Variants in CKAP5 observed in about 807,000 individuals in gnomAD.
CKAP5 encodes the protein cytoskeleton associated protein 5, also known as cytoskeleton-associated protein 5.
In CKAP5, 27 loss-of-function variants were observed where a neutral mutation model predicts 232.8. That is an observed-to-expected ratio of 0.12 (90% confidence interval 0.09 to 0.16). The LOEUF is 0.16. Among genes scored for constraint, CKAP5 ranks in the 10% least tolerant of loss-of-function variants. The pLI is 1.00. For missense variants in CKAP5, 1,838 were observed against 2,424.7 expected (o/e 0.76, Z 5.08); for synonymous variants, 785 against 841.1 (o/e 0.93, Z 1.16).
chr11:46,825,236 AT>A (rs1400718827), intron 1 of CKAP5, among the ~76,000 whole-genome samples: 2 of 152,208 alleles, frequency 1.3e-5, no homozygotes, highest in African/African-American at 4.8e-5. Context: ...TAAATAACAA[AT>A]TTCCTATTAA....
Position 46,778,190 on chromosome 11 carries a change from A to G in CKAP5, c.2697T>C (p.Gly899=). 1 of 1,614,058 alleles carries G rather than the reference A, an allele frequency of 6.2e-7. No homozygotes were observed. Among genetic ancestry groups the G allele is most frequent in the East Asian group, 2.2e-5 (1 of 44,874 alleles). ...GACCCTTCAAGGCAGTTGGAAGTTC[A>G]CCTATATTCGGTTGGATAAATTTTG... ...NDAKFIQPNI[G]ELPTALKGRL... The change falls in exon 22 of 44, where the codon GGT becomes GGC. Residue 899 remains glycine, a synonymous_variant. Transcript: ENST00000529230.
intron 4 of CKAP5, 58 bp downstream of exon 4, chr11:46,816,140 G>T: frequency 7.1e-7 from 1 of 1,401,172 alleles, no homozygotes; most frequent in Non-Finnish European, 1.0e-6. Context: ...ACTGGTCCCT[G>T]GTGCCAAAAA....
intron 40 of CKAP5, 63 bp downstream of exon 40, chr11:46,751,055 C>G (rs931373074): frequency 6.3e-7 from 1 of 1,598,894 alleles, no homozygotes. Context: ...TGACCTACAC[C>G]TTAGATAAGA....
At chr11:46,775,053 C>A (rs1326112232) in intron 24 of CKAP5, among the ~76,000 whole-genome samples, 1 of 152,092 alleles carries the variant, frequency 6.6e-6, no homozygotes, top group Admixed American at 6.6e-5. Flanking sequence ...AACAGGCAAC[C>A]TACAGAATGG....
intron 24 of CKAP5, among the ~76,000 whole-genome samples, chr11:46,772,033 C>CTT (rs57706275): frequency 7.0e-6 from 1 of 142,096 alleles, no homozygotes; most frequent in Non-Finnish European, 1.5e-5. Flanking sequence ...CACTGAGCAT[C>CTT]TTTTTTTTTT....
chr11:46,744,417 G>C lies in CKAP5; in HGVS notation c.5856+9C>G, dbSNP rs1484533271. On this transcript the variant is annotated intron_variant, in intron 43 of 43. Coordinates refer to ENST00000529230, the MANE Select transcript of CKAP5 (RefSeq NM_001008938.4). ...CTCCCTGAACTGCACAGAAGAAAAG[G>C]AGCAGTACCTTTGTGTTGTCCAGAC... 2 of 1,613,980 alleles carry C rather than the reference G, an allele frequency of 1.2e-6. No homozygotes were observed. The highest frequency in any genetic ancestry group is 1.3e-5 in the African/African-American group (1 of 74,894).
At chr11:46,807,626 A>G (rs1939186854) in intron 8 of CKAP5, among the ~76,000 whole-genome samples, 1 of 152,230 alleles carries the variant, frequency 6.6e-6, no homozygotes, top group Non-Finnish European at 1.5e-5. Flanking sequence ...AACTGACCTC[A>G]TATTCGTATA....
At position 46,836,615 on chromosome 11, in the gene CKAP5, A is replaced by C. The variant is rs185861748; in HGVS notation, c.-38+9605T>G. Among the ~76,000 whole-genome samples, 422 of 152,324 alleles carry C rather than the reference A, an allele frequency of 2.8e-3. 2 individuals carry two copies. The highest frequency in any genetic ancestry group is 9.6e-3 in the African/African-American group (400 of 41,574). On this transcript the variant is annotated intron_variant, in intron 1 of 43. Transcript: ENST00000529230. ...CCAGAAGGGCTAAAATCCAAAAACC[A>C]GATAGAACTAAGTGCTGTTAAGAAC...
At chr11:46,767,318 C>G (rs1052157194) in intron 27 of CKAP5, among the ~76,000 whole-genome samples, 11 of 152,184 alleles carry the variant, frequency 7.2e-5, no homozygotes, top group Non-Finnish European at 1.5e-5. Flanking sequence ...CTGTGCCCGG[C>G]CCTTTCTTCT....
chr11:46,833,970 A>G (rs192181541), intron 1 of CKAP5, among the ~76,000 whole-genome samples: 1 of 151,044 alleles, frequency 6.6e-6, no homozygotes, highest in Non-Finnish European at 1.5e-5. Context: ...CCTGGGTTCA[A>G]GTGATTTTCC....
chr11:46,754,903 A>T lies in CKAP5; in HGVS notation c.4854T>A (p.Ile1618=). The T allele has an allele frequency of 6.2e-7, 1 of 1,611,512 alleles. No individual in the cohort carries two copies. The highest frequency in any genetic ancestry group is 2.2e-5 in the East Asian group (1 of 44,818). ...DEIIKLYSCI[I]GNMISLFQIE... ...GTGCCCTTACCGAAATCATGTTGCC[A>T]ATGATACAGCTATACAACTTGATGA... The change falls in exon 36 of 44, where the codon ATT becomes ATA. Residue 1618 remains isoleucine (I), a synonymous_variant. Transcript: ENST00000529230.
intron 26 of CKAP5, among the ~76,000 whole-genome samples, chr11:46,768,437 A>G (rs1318605743): frequency 6.6e-6 from 1 of 151,804 alleles, no homozygotes; most frequent in African/African-American, 2.4e-5. Context: ...TTGTCCTCTC[A>G]AAGTGGTGGA....
rs753944221 is a variant in CKAP5 at position 46,751,369 on chromosome 11, A to G, written c.5299T>C (p.Leu1767=). The G allele has an allele frequency of 2.2e-5, 36 of 1,613,800 alleles. No individual in the cohort carries two copies. Among genetic ancestry groups the G allele is most frequent in the Admixed American group, 2.2e-4 (13 of 59,952 alleles). The change falls in exon 39 of 44, where the codon TTA becomes CTA. Residue 1767 remains leucine, a synonymous_variant. Transcript: ENST00000529230. ...ACCTTGGGCCCTTTTAATTTGCATA[A>G]GGTGTGTAGCAGGGTCTTTAGGGTC... The part of the protein sequence containing the change: ...IRTLKTLLHT[L]CKLKGPKILD...
At chr11:46,804,041 G>C (rs80256240) in intron 8 of CKAP5, among the ~76,000 whole-genome samples, 3,006 of 152,194 alleles carry the variant, frequency 0.02, 102 homozygotes, top group African/African-American at 0.069. Context: ...TGGCTCAAAG[G>C]GTGATTTTGT....
At chr11:46,817,836 C>T (rs750307143) in intron 3 of CKAP5, among the ~76,000 whole-genome samples, 27 of 152,002 alleles carry the variant, frequency 1.8e-4, no homozygotes, top group Non-Finnish European at 3.2e-4. Flanking sequence ...CATTACCTCC[C>T]CCAAGAAATA....
chr11:46,833,780 TAAG>T (rs1283460354), intron 1 of CKAP5, among the ~76,000 whole-genome samples: 1 of 151,712 alleles, frequency 6.6e-6, no homozygotes, highest in African/African-American at 2.4e-5. Context: ...CCCAGCTAAG[TAAG>T]TAGTAGTATT....
In CKAP5 at chr11:46,810,935, T is replaced by C; in HGVS notation, c.630+72A>G. 2 of 1,308,506 alleles carry C rather than the reference T, an allele frequency of 1.5e-6. 1 individual carries two copies. The highest frequency in any genetic ancestry group is 2.1e-6 in the Non-Finnish European group (2 of 960,126). 81.1% of individuals were successfully genotyped at this position (1,308,506 alleles called of 1,614,324 possible). A position where few individuals can be genotyped will look rare whatever the true frequency, so the allele number is the denominator to read the frequency against. The stretch of plus-strand genomic sequence containing the variant: ...AATAATTATTTTTAAGGACAGAATA[T>C]CAACAACGATAGGAAGAAAATATTT... On this transcript the variant is annotated intron_variant, in intron 5 of 43. Transcript: ENST00000529230.
chr11:46,778,321 A>G lies in CKAP5; in HGVS notation c.2574-8T>C. 1 of 1,610,278 alleles carries G rather than the reference A, an allele frequency of 6.2e-7. No individual in the cohort carries two copies. Among genetic ancestry groups the G allele is most frequent in the Non-Finnish European group, 8.5e-7 (1 of 1,178,260 alleles). The stretch of plus-strand genomic sequence containing the variant: ...TCTGAAGTGATTTTATCACTGAAAA[A>G]CAGAAAATAACCTTTAATTCCAGAC... On this transcript the variant is annotated splice_region_variant and splice_polypyrimidine_tract_variant and intron_variant, in intron 21 of 43. Coordinates refer to ENST00000529230, the MANE Select transcript of CKAP5 (RefSeq NM_001008938.4).
intron 7 of CKAP5, among the ~76,000 whole-genome samples, 172 bp from the exon 8 acceptor site, chr11:46,808,316 C>T (rs1380616593): frequency 6.6e-6 from 1 of 152,118 alleles, no homozygotes; most frequent in Non-Finnish European, 1.5e-5. Context: ...CCGAGGAGGG[C>T]AGATCATGAG....
Sources: allele counts gnomAD v4.1 joint callset (sites outside exome capture counted in the v4.1 genomes callset), GRCh38; gene constraint gnomAD v4.1.1; transcripts MANE v1.5; gene names NCBI Gene and HGNC (gene_info 2026-07-23, HGNC 2026-07-21).